The following PCDHA5 variants were observed in gnomAD, a reference collection of about 807,000 sequenced individuals.
PCDHA5 encodes protocadherin alpha-5.
In PCDHA5, 43 loss-of-function variants were observed where a neutral mutation model predicts 61.6. The ratio of observed to expected loss-of-function variants is 0.70; its 90% CI spans 0.55 to 0.90. PCDHA5 has a LOEUF of 0.90. Ranked by LOEUF, PCDHA5 falls within the 40% of genes least tolerant of loss-of-function variation. The probability of loss-of-function intolerance (pLI) is 0.00; values close to 1 mark genes in which losing one functional copy is unlikely to be tolerated. For synonymous variants in PCDHA5, 627 were observed against 543.9 expected, an observed-to-expected ratio of 1.15 and a Z score of -2.13; for missense variants, 1,298 against 1,222.7, an observed-to-expected ratio of 1.06 and a Z score of -0.92.
At chr5:140,843,182 C>G (rs2150354761) in intron 1 of PCDHA5, 2 of 1,595,932 alleles carry the variant, frequency 1.3e-6, no homozygotes, top group African/African-American at 2.7e-5. Flanking sequence ...CCCTCGCATC[C>G]CGTTCCGCGT....
chr5:141,010,034 A>G lies in PCDHA5; in HGVS notation c.*97A>G. On this transcript the variant is annotated 3_prime_UTR_variant, in exon 4 of 4. Transcript: ENST00000529859. Reference sequence around the variant, plus strand: ...CCTGCTCCTTTTTCCTATCTACATGAGCCCTCTTAGAGACCTCAGAAATCT... The same window carrying G: ...CCTGCTCCTTTTTCCTATCTACATGGGCCCTCTTAGAGACCTCAGAAATCT... 6.3e-7 allele frequency: 1 copy of G among 1,582,208 alleles called. No individual in the cohort carries two copies.
rs2150151779 is a variant in PCDHA5, at chr5:140,828,170, G to A, written c.2352+4043G>A. 3 of 1,614,168 alleles carry A rather than the reference G, an allele frequency of 1.9e-6. 1 individual carries two copies. The Admixed American group carries it at 5.0e-5, about 27-fold the overall frequency. ...TCTGCTCCTCGCAGCCTGGAAGGTGGGGAGCGGCCAGCTCCACTACTCCGT... is the reference window on the plus strand; with the variant it reads ...TCTGCTCCTCGCAGCCTGGAAGGTGAGGAGCGGCCAGCTCCACTACTCCGT... On this transcript the variant is annotated intron_variant, in intron 1 of 3. Transcript: ENST00000529859.
chr5:140,960,402 G>C (rs2095546836), intron 1 of PCDHA5, among the ~76,000 whole-genome samples: 1 of 152,026 alleles, frequency 6.6e-6, no homozygotes, highest in African/African-American at 2.4e-5. Flanking sequence ...GCAAGGGGGG[G>C]TGCCCAAAAA....
intron 1 of PCDHA5, chr5:140,882,076 G>A: frequency 1.1e-6 from 1 of 920,546 alleles, no homozygotes. Flanking sequence ...TGCGCATGGT[G>A]TCGCTCTTCA....
chr5:140,915,626 GTCTCTCTCTCTC>G (rs57920489), intron 1 of PCDHA5, among the ~76,000 whole-genome samples: 39 of 146,434 alleles, frequency 2.7e-4, no homozygotes, highest in African/African-American at 9.6e-4. Context: ...GTCTCTTTCT[GTCTCTCTCTCTC>G]TCTCTCTCTC....
intron 1 of PCDHA5, chr5:140,927,418 C>A: frequency 6.2e-7 from 1 of 1,614,106 alleles, no homozygotes; most frequent in Non-Finnish European, 8.5e-7. Flanking sequence ...CATGGGATCG[C>A]GGGTTGACGG....
chr5:140,870,905 G>T (rs2052526417), intron 1 of PCDHA5: 1 of 1,613,958 alleles, frequency 6.2e-7, no homozygotes, highest in Non-Finnish European at 8.5e-7. Context: ...GCGGACTCAG[G>T]CTACAACGCG....
intron 1 of PCDHA5, chr5:140,968,408 A>G: frequency 6.2e-7 from 1 of 1,613,980 alleles, no homozygotes; most frequent in Non-Finnish European, 8.5e-7. Flanking sequence ...GTTCTTTGTG[A>G]CTGTGGAGGC....
intron 1 of PCDHA5, among the ~76,000 whole-genome samples, chr5:140,931,665 T>C (rs2087667345): frequency 6.6e-6 from 1 of 151,998 alleles, no homozygotes. Flanking sequence ...GGCTGGATAT[T>C]TCCTTATAAA....
At chr5:140,980,730 A>G (rs1227353445) in intron 2 of PCDHA5, among the ~76,000 whole-genome samples, 2 of 152,176 alleles carry the variant, frequency 1.3e-5, no homozygotes, top group Non-Finnish European at 2.9e-5. Context: ...CAATTAAGAT[A>G]TTATGAGATT....
intron 1 of PCDHA5, among the ~76,000 whole-genome samples, chr5:140,961,843 G>T (rs1244708157): frequency 1.3e-5 from 2 of 151,972 alleles, no homozygotes; most frequent in Non-Finnish European, 2.9e-5. Flanking sequence ...CAGTGCCTTG[G>T]AAGATCATTT....
chr5:140,836,404 A>G (rs2150259922), intron 1 of PCDHA5: 15 of 1,613,772 alleles, frequency 9.3e-6, no homozygotes, highest in Non-Finnish European at 1.2e-5. Flanking sequence ...GAAAGCGGCC[A>G]GGCACCAAAG....
At chr5:140,968,173 C>T (rs782043932) in intron 1 of PCDHA5, 10 of 1,614,104 alleles carry the variant, frequency 6.2e-6, no homozygotes, top group Admixed American at 1.7e-5. Flanking sequence ...CACCAAGCTT[C>T]CTGGAGGACT....
At chr5:140,877,725 G>A (rs570815670) in intron 1 of PCDHA5, 1 of 1,614,124 alleles carries the variant, frequency 6.2e-7, no homozygotes, top group Non-Finnish European at 8.5e-7. Flanking sequence ...GGTCTTACTC[G>A]CAGCAGAGGA....
At chr5:140,951,276 T>C (rs1554219829) in intron 1 of PCDHA5, among the ~76,000 whole-genome samples, 1 of 152,200 alleles carries the variant, frequency 6.6e-6, no homozygotes, top group African/African-American at 2.4e-5. Context: ...CTATGTTAGG[T>C]AATTTTGGAT....
chr5:140,919,198 A>G (rs545072839), intron 1 of PCDHA5, among the ~76,000 whole-genome samples: 8 of 152,268 alleles, frequency 5.3e-5, no homozygotes, highest in Admixed American at 3.9e-4. Flanking sequence ...TCCTTTTGTC[A>G]TTATAAAATG....
At chr5:140,884,078 A>C (rs2059981897) in intron 1 of PCDHA5, 5 of 1,613,512 alleles carry the variant, frequency 3.1e-6, no homozygotes, top group Non-Finnish European at 4.2e-6. Flanking sequence ...TTCGGGCTAC[A>C]ATGCGTGGCT....
At chr5:140,897,028 A>G (rs2065844542) in intron 1 of PCDHA5, among the ~76,000 whole-genome samples, 2 of 152,046 alleles carry the variant, frequency 1.3e-5, no homozygotes, top group Admixed American at 6.6e-5. Context: ...AATTATTTAG[A>G]CCATAGTCAC....
At chr5:140,925,989 G>A (rs2082853255) in intron 1 of PCDHA5, among the ~76,000 whole-genome samples, 1 of 152,212 alleles carries the variant, frequency 6.6e-6, no homozygotes, top group East Asian at 1.9e-4. Context: ...GAGCTCGCTG[G>A]CTCCGCTGCC....
Sources: gnomAD v4.1 joint callset for allele counts (sites outside exome capture counted in the v4.1 genomes callset) on GRCh38, gnomAD v4.1.1 for gene constraint, MANE v1.5 for transcripts, NCBI Gene and HGNC (gene_info 2026-07-23, HGNC 2026-07-21) for gene names.